The following ROBO2 variants were observed in gnomAD, a reference collection of about 807,000 sequenced individuals.
ROBO2 encodes roundabout guidance receptor 2.
Under a neutral mutation model 160.8 loss-of-function variants are expected in ROBO2, and 53 were observed. The observed-to-expected ratio is 0.33, with a 90% CI of 0.26 to 0.41. The LOEUF (loss-of-function observed/expected upper bound fraction) is 0.41. Ranked by LOEUF, ROBO2 falls within the 10% of genes least tolerant of loss-of-function variation. The pLI, the probability that ROBO2 is intolerant of heterozygous loss-of-function variation, is 1.00. For missense variants in ROBO2, 1,577 were observed against 1,722.4 expected (o/e 0.92, Z 1.49); for synonymous variants, 664 against 611.7 (o/e 1.09, Z -1.26).
exon 26 of ROBO2, chr3:77,647,509 T>A (rs2095420461): frequency 6.6e-6 from 1 of 152,136 alleles, no homozygotes; most frequent in Non-Finnish European, 1.5e-5. Context: ...TAAGTGGACA[T>A]TAATAATTGT....
At chr3:76,455,249 C>T (rs1288129396) in intron 2 of ROBO2, among the ~76,000 whole-genome samples, 2 of 152,050 alleles carry the variant, frequency 1.3e-5, no homozygotes, top group African/African-American at 4.8e-5. Flanking sequence ...ATTAGTTTGG[C>T]ACTGAGCTAG....
intron 2 of ROBO2, among the ~76,000 whole-genome samples, chr3:75,979,953 C>T (rs972555778): frequency 3.3e-5 from 5 of 151,252 alleles, no homozygotes; most frequent in African/African-American, 9.7e-5. Context: ...CCATAGGAGC[C>T]GTGGATAAGG....
chr3:77,377,659 G>C (rs2072874748), intron 2 of ROBO2, among the ~76,000 whole-genome samples: 1 of 152,192 alleles, frequency 6.6e-6, no homozygotes, highest in Non-Finnish European at 1.5e-5. Context: ...TGGCAGGACT[G>C]ACTGTCCATT....
intron 2 of ROBO2, among the ~76,000 whole-genome samples, chr3:76,773,331 T>G (rs2062033717): frequency 6.6e-6 from 1 of 151,010 alleles, no homozygotes; most frequent in Non-Finnish European, 1.5e-5. Context: ...ATGAAGGATT[T>G]TTTTCTTGAA....
intron 2 of ROBO2, among the ~76,000 whole-genome samples, chr3:77,237,449 G>GTGA (rs1166717339): frequency 6.6e-6 from 1 of 150,624 alleles, no homozygotes; most frequent in African/African-American, 2.4e-5. Flanking sequence ...GTGTGTGGTG[G>GTGA]TGATAAGGTC....
chr3:76,224,809 A>G (rs375133387), intron 2 of ROBO2, among the ~76,000 whole-genome samples: 1 of 152,152 alleles, frequency 6.6e-6, no homozygotes, highest in African/African-American at 2.4e-5. Context: ...CAGTACAAAC[A>G]CTTCAATCAT....
rs151084890 is a variant in ROBO2, at chr3:76,633,757, A to G, written c.110-464257A>G. The stretch of plus-strand genomic sequence containing the variant: ...TGACGTAGATACAATTATTATCCCC[A>G]CTTTATAGATGAGGAATTAAGGCAG... On this transcript the variant is annotated intron_variant, in intron 2 of 26. Coordinates refer to the ROBO2 transcript ENST00000487694. 1.0e-3 allele frequency among the ~76,000 whole-genome samples: 154 copies of G among 152,324 alleles called. 1 individual carries two copies. Among genetic ancestry groups the G allele is most frequent in the Middle Eastern group, 6.8e-3 (2 of 294 alleles).
At chr3:77,081,549 T>TA (rs2068659325) in intron 1 of ROBO2, among the ~76,000 whole-genome samples, 1 of 152,146 alleles carries the variant, frequency 6.6e-6, no homozygotes, top group Non-Finnish European at 1.5e-5. Context: ...TCATTAAAGG[T>TA]TGTGCCAAGT....
intron 2 of ROBO2, among the ~76,000 whole-genome samples, chr3:77,142,890 T>C (rs1427080972): frequency 2.0e-5 from 3 of 152,270 alleles, no homozygotes; most frequent in East Asian, 1.9e-4. Context: ...GCCCTGTTTT[T>C]ACAAGTGAAA....
At chr3:76,317,401 ATAG>A (rs961403071) in intron 2 of ROBO2, among the ~76,000 whole-genome samples, 1 of 152,214 alleles carries the variant, frequency 6.6e-6, no homozygotes, top group African/African-American at 2.4e-5. Context: ...AAGGTATTTT[ATAG>A]TAGTCAAGAA....
intron 2 of ROBO2, among the ~76,000 whole-genome samples, chr3:77,208,914 A>C (rs751289551): frequency 6.6e-6 from 1 of 152,138 alleles, no homozygotes; most frequent in Non-Finnish European, 1.5e-5. Flanking sequence ...CTGCCAAAAG[A>C]ACCACTGGAG....
chr3:75,935,776 T>C (rs936901211), intron 1 of ROBO2, among the ~76,000 whole-genome samples: 3 of 152,186 alleles, frequency 2.0e-5, no homozygotes, highest in African/African-American at 7.2e-5. Flanking sequence ...TGGCTGATTG[T>C]TGGACTACAA....
At chr3:76,954,457 A>G (rs1426236112) in intron 2 of ROBO2, among the ~76,000 whole-genome samples, 2 of 152,184 alleles carry the variant, frequency 1.3e-5, no homozygotes, top group Non-Finnish European at 2.9e-5. Context: ...TAGTGGCCTC[A>G]CCTGAATGGC....
intron 6 of ROBO2, among the ~76,000 whole-genome samples, chr3:77,534,602 A>C (rs558300634): frequency 3.8e-4 from 58 of 152,214 alleles, no homozygotes; most frequent in Non-Finnish European, 5.9e-4. Flanking sequence ...GAATTGCTAC[A>C]CTATTTGCTT....
rs568663630 is a variant in ROBO2 at position 77,640,945 on chromosome 3, AT to A, written c.3935-3755del. On this transcript the variant is annotated intron_variant, in intron 24 of 25. Coordinates refer to ENST00000461745, the Ensembl canonical transcript of ROBO2. ...TGCATAAGCAGATGCCGTTTTGGCC[AT>A]TTTAAAAATTAAGCTGCTCTGATGC... Among the ~76,000 whole-genome samples, 46 of 152,340 alleles carry A rather than the reference AT, an allele frequency of 3.0e-4. No homozygotes were observed. In the East Asian group the frequency reaches 8.9e-3, roughly 29 times the overall value.
intron 19 of ROBO2, among the ~76,000 whole-genome samples, chr3:77,600,575 G>A (rs2094410893): frequency 6.6e-6 from 1 of 152,150 alleles, no homozygotes; most frequent in Non-Finnish European, 1.5e-5. Flanking sequence ...AAGCTTTGGA[G>A]AACTTTAAAT....
intron 1 of ROBO2, among the ~76,000 whole-genome samples, chr3:77,062,518 G>C (rs908686224): frequency 2.6e-5 from 4 of 152,282 alleles, no homozygotes; most frequent in Admixed American, 2.6e-4. Context: ...GGAGTGAGCA[G>C]AAGGGGCACA....
rs1249129982 is a variant in ROBO2 at position 76,690,802 on chromosome 3, A to G, written c.110-407212A>G. On this transcript the variant is annotated intron_variant, in intron 2 of 26. Transcript: ENST00000487694. ...TTATTTTACCAAATGATGAATTAAT[A>G]AGCGTATCTGTGAAGACAGGAAATT... is the stretch of plus-strand genomic sequence containing the variant. Among the ~76,000 whole-genome samples, 4 of 152,256 alleles carry G rather than the reference A, an allele frequency of 2.6e-5. No homozygotes were observed. In the South Asian group the frequency reaches 8.3e-4, roughly 32 times the overall value.
chr3:77,188,269 A>G (rs2081468873), intron 2 of ROBO2, among the ~76,000 whole-genome samples: 1 of 144,336 alleles, frequency 6.9e-6, no homozygotes, highest in South Asian at 2.1e-4. Flanking sequence ...CGGAAAAATT[A>G]ATGTATAGGA....
Sources: gnomAD v4.1 joint callset for allele counts (sites outside exome capture counted in the v4.1 genomes callset) on GRCh38, gnomAD v4.1.1 for gene constraint, MANE v1.5 for transcripts, NCBI Gene and HGNC (gene_info 2026-07-23, HGNC 2026-07-21) for gene names.